Variants in OR4C3 observed in about 807,000 individuals in gnomAD.
OR4C3 encodes olfactory receptor family 4 subfamily C member 3.
For missense variants in OR4C3, 439 were observed against 360.7 expected (o/e 1.22, Z -1.76); for synonymous variants, 186 against 140.1 (o/e 1.33, Z -2.31).
chr11:48,325,880 C>T lies in OR4C3; in HGVS notation c.859C>T (p.Leu287=), dbSNP rs779434924. 6.6e-7 allele frequency: 1 copy of T among 1,526,190 alleles called. No homozygotes were observed. Among genetic ancestry groups the T allele is most frequent in the African/African-American group, 1.4e-5 (1 of 72,188 alleles). 94.5% of individuals were successfully genotyped at this position (1,526,190 alleles called of 1,614,324 possible). The change falls in exon 1 of 1, where the codon CTG becomes TTG. Residue 287 remains leucine, a synonymous_variant. Coordinates refer to ENST00000319856, the MANE Select transcript of OR4C3 (RefSeq NM_001004702.2). ...TPMLNPLIYT[L]RNEEVKNAMR... ...TATGTTGAATCCACTCATTTATACC[C>T]TGAGAAATGAAGAGGTAAAAAATGC...
Position 48,325,576 on chromosome 11 carries a change from T to A in OR4C3, c.555T>A (p.Val185=). The change falls in exon 1 of 1, where the codon GTT becomes GTA. Residue 185 remains valine (V), a synonymous_variant. Coordinates refer to ENST00000319856, the MANE Select transcript of OR4C3 (RefSeq NM_001004702.2). ...GTGACTTGTACCCTTTGCTGGAAGT[T>A]GCCTGCACCAATACGTATGTCATTG... ...FACDLYPLLE[V]ACTNTYVIGL... 1 of 1,614,064 alleles carries A rather than the reference T, an allele frequency of 6.2e-7. No homozygotes were observed. The highest frequency in any genetic ancestry group is 8.5e-7 in the Non-Finnish European group (1 of 1,179,988).
At position 48,325,548 on chromosome 11, in the gene OR4C3, C is replaced by T. The variant is rs73465905; in HGVS notation, c.527C>T (p.Ala176Val). The change falls in exon 1 of 1, where the codon GCC (alanine) becomes GTC (valine). Residue 176 changes from alanine (A) to valine (V), a missense_variant. Ala to Val is a moderately conservative substitution (Grantham distance 64, BLOSUM62 0). Transcript: ENST00000319856. Reference sequence around the variant, plus strand: ...GGGCCCAATGTGATCAATCACTTTGCCTGTGACTTGTACCCTTTGCTGGAA... The same window carrying T: ...GGGCCCAATGTGATCAATCACTTTGTCTGTGACTTGTACCCTTTGCTGGAA... ...FCGPNVINHFACDLYPLLEVA... is the reference protein window; with the variant it reads ...FCGPNVINHFVCDLYPLLEVA... 6 of 1,613,672 alleles carry T rather than the reference C, an allele frequency of 3.7e-6. No homozygotes were observed. Among genetic ancestry groups the T allele is most frequent in the Admixed American group, 1.7e-5 (1 of 59,994 alleles).
At position 48,325,821 on chromosome 11, in the gene OR4C3, A is replaced by G; in HGVS notation, c.800A>G (p.Lys267Arg). 6.2e-7 allele frequency: 1 copy of G among 1,608,030 alleles called. No individual in the cohort carries two copies. Among genetic ancestry groups the G allele is most frequent in the Non-Finnish European group, 8.5e-7 (1 of 1,177,590 alleles). ...VHPFSTLPID[K>R]NMALFYGILT... ...CCATTTTCTACTTTACCTATAGACA[A>G]AAATATGGCATTATTTTATGGTATT... The change falls in exon 1 of 1, where the codon AAA becomes AGA. Residue 267 changes from lysine (K) to arginine (R), a missense_variant. By Grantham distance (26) the Lys-to-Arg change is conservative (BLOSUM62 2). Coordinates refer to ENST00000319856, the MANE Select transcript of OR4C3 (RefSeq NM_001004702.2).
rs750720644 is a variant in OR4C3, at chr11:48,325,931, G to A, written c.*1G>A. 2.0e-6 allele frequency: 3 copies of A among 1,486,806 alleles called. No individual in the cohort carries two copies. In the Admixed American group the frequency reaches 7.4e-5, roughly 36 times the overall value. The allele number at this position is 1,486,806 out of a possible 1,614,324, so 92.1% of individuals were successfully genotyped here. ...CATGAGAAAGCTCTTTACATGGTAAGAAATTGCAGGTGGAAAATGAGTGGT... is the reference window on the plus strand; with the variant it reads ...CATGAGAAAGCTCTTTACATGGTAAAAAATTGCAGGTGGAAAATGAGTGGT... On this transcript the variant is annotated 3_prime_UTR_variant, in exon 1 of 1. Coordinates refer to ENST00000319856, the MANE Select transcript of OR4C3 (RefSeq NM_001004702.2).
Position 48,325,823 on chromosome 11 carries a change from A to T in OR4C3, c.802A>T (p.Asn268Tyr), listed in dbSNP as rs1329766089. Residue 268 changes from asparagine (N) to tyrosine (Y), a missense_variant, in exon 1 of 1, where the codon AAT becomes TAT. Coordinates refer to ENST00000319856, the MANE Select transcript of OR4C3 (RefSeq NM_001004702.2). ...HPFSTLPIDKNMALFYGILTP... is the reference protein window; with the variant it reads ...HPFSTLPIDKYMALFYGILTP... ...ATTTTCTACTTTACCTATAGACAAA[A>T]ATATGGCATTATTTTATGGTATTCT... 2 of 1,607,784 alleles carry T rather than the reference A, an allele frequency of 1.2e-6. No individual in the cohort carries two copies. The highest frequency in any genetic ancestry group is 1.7e-6 in the Non-Finnish European group (2 of 1,177,500).
At position 48,325,281 on chromosome 11, in the gene OR4C3, G is replaced by C. The variant is rs139204473; in HGVS notation, c.260G>C (p.Gly87Ala). ...PKLIADSLYE[G>A]RTISYECCMA... ...CTCATTGCTGACTCATTGTATGAGGGGAGAACCATCTCTTATGAGTGCTGC... is the reference window on the plus strand; with the variant it reads ...CTCATTGCTGACTCATTGTATGAGGCGAGAACCATCTCTTATGAGTGCTGC... The change falls in exon 1 of 1, where the codon GGG becomes GCG. Residue 87 changes from glycine (G) to alanine (A), a missense_variant. Physicochemically the swap from Gly to Ala is moderately conservative, Grantham distance 60 (BLOSUM62 0). Coordinates refer to ENST00000319856, the MANE Select transcript of OR4C3 (RefSeq NM_001004702.2). 75 of 1,613,980 alleles carry C rather than the reference G, an allele frequency of 4.6e-5. No individual in the cohort carries two copies. Among genetic ancestry groups the C allele is most frequent in the Non-Finnish European group, 5.8e-5 (69 of 1,180,018 alleles).
At position 48,325,072 on chromosome 11, in the gene OR4C3, G is replaced by A. The variant is rs755706248; in HGVS notation, c.51G>A (p.Gln17=). 8.7e-6 allele frequency: 14 copies of A among 1,613,980 alleles called. No homozygotes were observed. The highest frequency in any genetic ancestry group is 8.3e-5 in the Admixed American group (5 of 59,982). ...ITEFFMLGLS[Q]NSEVQRVLFV... is the part of the protein sequence containing the mutation. ...AATTTTTCATGCTGGGGCTCTCACA[G>A]AACTCAGAGGTACAGAGAGTTCTCT... Residue 17 remains glutamine, a synonymous_variant, in exon 1 of 1, where the codon CAG becomes CAA. Transcript: ENST00000319856.
Position 48,325,244 on chromosome 11 carries a change from A to G in OR4C3, c.223A>G (p.Met75Val), listed in dbSNP as rs768990774. The G allele has an allele frequency of 3.7e-6, 6 of 1,613,998 alleles. No homozygotes were observed. The highest frequency in any genetic ancestry group is 4.5e-5 in the East Asian group (2 of 44,864). Residue 75 changes from methionine to valine, a missense_variant, in exon 1 of 1, where the codon ATG (methionine) becomes GTG (valine). Met to Val is a conservative substitution (Grantham distance 21). Transcript: ENST00000319856. ...TATTGACACCTTTTATTCTTCTTCTATGGCTCCTAAACTCATTGCTGACTC... is the reference window on the plus strand; with the variant it reads ...TATTGACACCTTTTATTCTTCTTCTGTGGCTCCTAAACTCATTGCTGACTC... ...SFIDTFYSSS[M>V]APKLIADSLY... is the part of the protein sequence containing the mutation.
At position 48,325,604 on chromosome 11, in the gene OR4C3, CT is replaced by C; in HGVS notation, c.584del (p.Leu195ArgfsTer9). On this transcript the variant is annotated frameshift_variant, in exon 1 of 1. Transcript: ENST00000319856. LOFTEE classifies it low-confidence loss of function (END_TRUNC). ...CTGCACCAATACGTATGTCATTGGT[CT>C]GCTGGTGGTTGCCAACAGTGGTTTA... ...VACTNTYVIG[L>X]LVVANSGLIC... The C allele has an allele frequency of 6.2e-7, 1 of 1,613,942 alleles. No individual in the cohort carries two copies. Among genetic ancestry groups the C allele is most frequent in the Non-Finnish European group, 8.5e-7 (1 of 1,179,900 alleles).
In OR4C3 at chr11:48,325,064, C is replaced by A; in HGVS notation, c.43C>A (p.Leu15Ile). 4 of 1,614,136 alleles carry A rather than the reference C, an allele frequency of 2.5e-6. No homozygotes were observed. The highest frequency in any genetic ancestry group is 3.4e-6 in the Non-Finnish European group (4 of 1,180,014). Residue 15 changes from leucine to isoleucine, a missense_variant, in exon 1 of 1, where the codon CTC becomes ATC. Transcript: ENST00000319856. ...TATCACAGAATTTTTCATGCTGGGG[C>A]TCTCACAGAACTCAGAGGTACAGAG... The part of the protein sequence containing the change: ...QNITEFFMLG[L>I]SQNSEVQRVL...
Position 48,325,085 on chromosome 11 carries a change from C to T in OR4C3, c.64C>T (p.Gln22Ter), listed in dbSNP as rs573092458. Residue 22 changes from glutamine to a stop codon, truncating the protein, a stop_gained, in exon 1 of 1, where the codon CAG (glutamine) becomes TAG (stop). Transcript: ENST00000319856. LOFTEE classifies it low-confidence loss of function (END_TRUNC). ...GGGGCTCTCACAGAACTCAGAGGTA[C>T]AGAGAGTTCTCTTTGTGGTCTTTTT... is the stretch of plus-strand genomic sequence containing the variant. ...MLGLSQNSEV[Q>*]RVLFVVFLLI... 2 of 1,614,144 alleles carry T rather than the reference C, an allele frequency of 1.2e-6. No homozygotes were observed. Among genetic ancestry groups the T allele is most frequent in the East Asian group, 4.5e-5 (2 of 44,878 alleles).
rs753521675 is a variant in OR4C3, at chr11:48,325,303, C to T, written c.282C>T (p.Cys94=). The change falls in exon 1 of 1, where the codon TGC becomes TGT. Residue 94 remains cysteine (C), a synonymous_variant. Coordinates refer to ENST00000319856, the MANE Select transcript of OR4C3 (RefSeq NM_001004702.2). ...LYEGRTISYE[C]CMAQLFGAHF... is the part of the protein sequence containing the mutation. Reference sequence around the variant, plus strand: ...AGGGGAGAACCATCTCTTATGAGTGCTGCATGGCTCAGCTCTTTGGAGCTC... The same window carrying T: ...AGGGGAGAACCATCTCTTATGAGTGTTGCATGGCTCAGCTCTTTGGAGCTC... The T allele has an allele frequency of 1.9e-6, 3 of 1,614,038 alleles. No individual in the cohort carries two copies. In the East Asian group the frequency reaches 6.7e-5, roughly 36 times the overall value.
chr11:48,325,565 T>C lies in OR4C3; in HGVS notation c.544T>C (p.Leu182=). Residue 182 remains leucine, a synonymous_variant, in exon 1 of 1, where the codon TTG becomes CTG. Coordinates refer to ENST00000319856, the MANE Select transcript of OR4C3 (RefSeq NM_001004702.2). ...INHFACDLYP[L]LEVACTNTYV... ...TCACTTTGCCTGTGACTTGTACCCT[T>C]TGCTGGAAGTTGCCTGCACCAATAC... 1 of 1,613,992 alleles carries C rather than the reference T, an allele frequency of 6.2e-7. No homozygotes were observed. The highest frequency in any genetic ancestry group is 8.5e-7 in the Non-Finnish European group (1 of 1,179,968).
chr11:48,325,927 G>A lies in OR4C3; in HGVS notation c.906G>A (p.Trp302Ter), dbSNP rs1367130595. Residue 302 changes from tryptophan (W) to a stop codon, truncating the protein, a stop_gained, in exon 1 of 1, where the codon TGG becomes TGA. Transcript: ENST00000319856. LOFTEE classifies it high-confidence loss of function. ...ATGCCATGAGAAAGCTCTTTACATG[G>A]TAAGAAATTGCAGGTGGAAAATGAG... Reference protein sequence around the residue: ...VKNAMRKLFTW With the variant: ...VKNAMRKLFT The A allele has an allele frequency of 6.7e-7, 1 of 1,489,162 alleles. No homozygotes were observed. Among genetic ancestry groups the A allele is most frequent in the South Asian group, 1.4e-5 (1 of 70,046 alleles). 92.2% of individuals were successfully genotyped at this position (1,489,162 alleles called of 1,614,324 possible).
rs1454299061 is a variant in OR4C3, at chr11:48,325,411, T to C, written c.390T>C (p.Asn130=). 1 of 1,613,902 alleles carries C rather than the reference T, an allele frequency of 6.2e-7. No homozygotes were observed. Among genetic ancestry groups the C allele is most frequent in the African/African-American group, 1.3e-5 (1 of 74,908 alleles). The change falls in exon 1 of 1, where the codon AAT becomes AAC. Residue 130 remains asparagine, a synonymous_variant. Coordinates refer to ENST00000319856, the MANE Select transcript of OR4C3 (RefSeq NM_001004702.2). ...TGGCCATCTGTAAGCCCCTGCACAA[T>C]ACTACCATCATGACCAGGCATCTCT... ...RYVAICKPLH[N]TTIMTRHLCA...
At position 48,325,449 on chromosome 11, in the gene OR4C3, T is replaced by C. The variant is rs1438344896; in HGVS notation, c.428T>C (p.Val143Ala). Residue 143 changes from valine (V) to alanine (A), a missense_variant, in exon 1 of 1, where the codon GTA becomes GCA. Transcript: ENST00000319856. ...IMTRHLCAMLVGVAWLGGFLH... is the reference protein window; with the variant it reads ...IMTRHLCAMLAGVAWLGGFLH... Reference sequence around the variant, plus strand: ...ACCAGGCATCTCTGTGCCATGCTTGTAGGGGTGGCTTGGCTTGGGGGCTTC... The same window carrying C: ...ACCAGGCATCTCTGTGCCATGCTTGCAGGGGTGGCTTGGCTTGGGGGCTTC... The C allele has an allele frequency of 6.2e-7, 1 of 1,613,768 alleles. No homozygotes were observed. Among genetic ancestry groups the C allele is most frequent in the East Asian group, 2.2e-5 (1 of 44,868 alleles).
chr11:48,325,484 T>C lies in OR4C3; in HGVS notation c.463T>C (p.Leu155=), dbSNP rs765716309. The C allele has an allele frequency of 3.7e-6, 6 of 1,613,718 alleles. No homozygotes were observed. Among genetic ancestry groups the C allele is most frequent in the Non-Finnish European group, 5.1e-6 (6 of 1,179,852 alleles). ...VAWLGGFLHS[L]VQLLLVLWLP... Reference sequence around the variant, plus strand: ...TTGGCTTGGGGGCTTCCTGCATTCATTGGTTCAGCTCCTCCTGGTCCTTTG... The same window carrying C: ...TTGGCTTGGGGGCTTCCTGCATTCACTGGTTCAGCTCCTCCTGGTCCTTTG... Residue 155 remains leucine, a synonymous_variant, in exon 1 of 1, where the codon TTG becomes CTG. Transcript: ENST00000319856.
Position 48,325,517 on chromosome 11 carries a change from T to G in OR4C3, c.496T>G (p.Phe166Val). The G allele has an allele frequency of 6.2e-7, 1 of 1,613,866 alleles. No individual in the cohort carries two copies. ...VQLLLVLWLP[F>V]CGPNVINHFA... Reference sequence around the variant, plus strand: ...GCTCCTCCTGGTCCTTTGGTTGCCCTTCTGTGGGCCCAATGTGATCAATCA... The same window carrying G: ...GCTCCTCCTGGTCCTTTGGTTGCCCGTCTGTGGGCCCAATGTGATCAATCA... Residue 166 changes from phenylalanine (F) to valine (V), a missense_variant, in exon 1 of 1, where the codon TTC becomes GTC. Phe to Val is a conservative substitution (Grantham distance 50). Transcript: ENST00000319856.
Position 48,325,012 on chromosome 11 carries a change from C to G in OR4C3, c.-10C>G, listed in dbSNP as rs747317795. 3.1e-6 allele frequency: 5 copies of G among 1,613,658 alleles called. No homozygotes were observed. The Admixed American group carries it at 8.3e-5, about 27-fold the overall frequency. ...ATACTGCACCTGCATTCTCAGTGAC[C>G]TTGGAATCTATGGACATACCACAAA... On this transcript the variant is annotated 5_prime_UTR_variant, in exon 1 of 1. Transcript: ENST00000319856.
Sources: allele counts gnomAD v4.1 joint callset, GRCh38; gene constraint gnomAD v4.1.1; transcripts MANE v1.5; gene names NCBI Gene and HGNC (gene_info 2026-07-23, HGNC 2026-07-21).